CIMIP2A: variants seen among roughly 807,000 people sequenced by gnomAD.
CIMIP2A encodes ciliary microtubule inner protein 2A.
At chr9:137,245,800 C>T in the CIMIP2A span, 9 of 1,519,732 alleles carry the variant, frequency 5.9e-6, no homozygotes, top group Non-Finnish European at 7.1e-6. Context: ...CCCCGTGGTA[C>T]GCCCATAGGT....
the CIMIP2A span, among the ~76,000 whole-genome samples, chr9:137,248,265 C>A: frequency 6.6e-6 from 1 of 152,112 alleles, no homozygotes; most frequent in Non-Finnish European, 1.5e-5. Flanking sequence ...TGAAGGAAGG[C>A]GGCCAGGCAC....
chr9:137,251,327 AT>A, the CIMIP2A span: 2 of 1,613,746 alleles, frequency 1.2e-6, no homozygotes, highest in South Asian at 2.2e-5. Context: ...TTCCTGGCAA[AT>A]TTTTACATCA....
At chr9:137,249,500 A>C in the CIMIP2A span, among the ~76,000 whole-genome samples, 1 of 151,938 alleles carries the variant, frequency 6.6e-6, no homozygotes, top group Admixed American at 6.5e-5. Flanking sequence ...TGGGTGGGTG[A>C]TGCTTGGGGG....
chr9:137,244,938 G>A, the CIMIP2A span: 202 of 1,601,150 alleles, frequency 1.3e-4, 1 homozygote, highest in East Asian at 3.9e-3. Flanking sequence ...CCTGGAAGCA[G>A]CTGGGAGGCA....
At chr9:137,247,905 C>CAGGCAGGGGAGGAGTTGCGGTG in the CIMIP2A span, 1 of 609,156 alleles carries the variant, frequency 1.6e-6, no homozygotes, top group African/African-American at 1.9e-5. Context: ...AGACAGGTGC[C>CAGGCAGGGGAGGAGTTGCGGTG]AGGCAGGGGA....
chr9:137,252,540 AG>A, the CIMIP2A span: 2 of 678,726 alleles, frequency 2.9e-6, no homozygotes, highest in East Asian at 5.5e-5. Context: ...GGGGCTGGGC[AG>A]GAAGGGGGCG....
the CIMIP2A span, chr9:137,244,369 C>G: frequency 6.3e-7 from 1 of 1,598,526 alleles, no homozygotes; most frequent in South Asian, 1.1e-5. Flanking sequence ...GGGGCCTGGC[C>G]GGAGGGCCGG....
At chr9:137,251,843 G>T in the CIMIP2A span, 2 of 1,607,378 alleles carry the variant, frequency 1.2e-6, no homozygotes, top group South Asian at 1.1e-5. Context: ...GGTTACAGAC[G>T]GGCACCCCCC....
the CIMIP2A span, among the ~76,000 whole-genome samples, chr9:137,246,432 T>C: frequency 1.1e-4 from 16 of 152,358 alleles, no homozygotes; most frequent in South Asian, 3.1e-3. Flanking sequence ...TCAGGGTCTA[T>C]GTGATCTTTC....
At chr9:137,252,688 G>A in the CIMIP2A span, 3 of 1,550,322 alleles carry the variant, frequency 1.9e-6, no homozygotes, top group Non-Finnish European at 2.6e-6. Flanking sequence ...ACTACCAGCT[G>A]CTCAGCCGGC....
the CIMIP2A span, chr9:137,252,167 G>A: frequency 3.5e-5 from 55 of 1,586,920 alleles, no homozygotes; most frequent in Admixed American, 1.7e-4. Flanking sequence ...CCCAACCACC[G>A]GGCCTGTCCC....
the CIMIP2A span, chr9:137,244,287 A>C: frequency 6.2e-7 from 1 of 1,613,564 alleles, no homozygotes; most frequent in Non-Finnish European, 8.5e-7. Context: ...TCTAAACAGG[A>C]ACTGGGGAGA....
At chr9:137,251,448 G>A in the CIMIP2A span, 1 of 1,395,734 alleles carries the variant, frequency 7.2e-7, no homozygotes, top group African/African-American at 1.4e-5. Context: ...GTGGCCAGGG[G>A]GCTGAGGGAC....
At chr9:137,248,295 C>T in the CIMIP2A span, among the ~76,000 whole-genome samples, 1 of 152,174 alleles carries the variant, frequency 6.6e-6, no homozygotes, top group African/African-American at 2.4e-5. Flanking sequence ...CACCTGTAAT[C>T]CCAGCACTTT....
At chr9:137,244,763 C>T in the CIMIP2A span, 9 of 1,606,942 alleles carry the variant, frequency 5.6e-6, no homozygotes, top group Non-Finnish European at 7.6e-6. Flanking sequence ...GTACGGGCTA[C>T]CCCAAGCCCC....
the CIMIP2A span, chr9:137,245,543 TAGAG>T: frequency 4.0e-5 from 65 of 1,613,810 alleles, no homozygotes; most frequent in South Asian, 6.6e-4. Flanking sequence ...TCAAAGTTCT[TAGAG>T]GGCTTCAGAC....
chr9:137,244,724 A>G, the CIMIP2A span: 1 of 1,613,226 alleles, frequency 6.2e-7, no homozygotes, highest in South Asian at 1.1e-5. Context: ...ACGGGGAATG[A>G]AGCCAGCATA....
the CIMIP2A span, chr9:137,245,726 G>A: frequency 3.1e-6 from 5 of 1,602,574 alleles, no homozygotes; most frequent in Non-Finnish European, 4.3e-6. Flanking sequence ...ATGAACTTGG[G>A]TTTGGACATG....
At chr9:137,252,224 G>A in the CIMIP2A span, 2 of 1,511,032 alleles carry the variant, frequency 1.3e-6, no homozygotes, top group Non-Finnish European at 1.8e-6. Flanking sequence ...AACCCCCACG[G>A]CCTGAGGGCC....
Sources: gnomAD v4.1 joint callset for allele counts (sites outside exome capture counted in the v4.1 genomes callset) on GRCh38, gnomAD v4.1.1 for gene constraint, MANE v1.5 for transcripts, NCBI Gene and HGNC (gene_info 2026-07-23, HGNC 2026-07-21) for gene names.